DTNBP1: variants seen among roughly 807,000 people sequenced by gnomAD.
The protein encoded by DTNBP1 is dystrobrevin binding protein 1.
In DTNBP1, 35 loss-of-function variants were observed where a neutral mutation model predicts 42.8. The observed-to-expected ratio is 0.82, with a 90% CI of 0.63 to 1.09. The LOEUF (loss-of-function observed/expected upper bound fraction) is 1.09, where lower values mean the gene tolerates loss of function less well. DTNBP1 is among the 50% of genes least tolerant of loss of function. The pLI, the probability that DTNBP1 is intolerant of heterozygous loss-of-function variation, is 0.00. For missense variants in DTNBP1, 457 were observed against 424.2 expected (o/e 1.08, Z -0.68); for synonymous variants, 171 against 162.2 (o/e 1.05, Z -0.41).
At chr6:15,658,522 A>C (rs1314254821) in intron 1 of DTNBP1, among the ~76,000 whole-genome samples, 1 of 152,138 alleles carries the variant, frequency 6.6e-6, no homozygotes, top group African/African-American at 2.4e-5. Context: ...CAACAATAGC[A>C]GGTTTTTTTA....
intron 6 of DTNBP1, among the ~76,000 whole-genome samples, chr6:15,599,474 A>G (rs1401854425): frequency 6.6e-6 from 1 of 152,210 alleles, no homozygotes; most frequent in Admixed American, 6.5e-5. Flanking sequence ...TCAAGGGTCA[A>G]GTTTAGCCCT....
At chr6:15,628,104 A>G (rs1759460562) in intron 4 of DTNBP1, among the ~76,000 whole-genome samples, 1 of 152,204 alleles carries the variant, frequency 6.6e-6, no homozygotes, top group South Asian at 2.1e-4. Context: ...AGAATAGCCT[A>G]AGATAATTCT....
chr6:15,638,148 G>C (rs1031707017), intron 3 of DTNBP1, among the ~76,000 whole-genome samples: 6 of 150,438 alleles, frequency 4.0e-5, no homozygotes, highest in African/African-American at 1.5e-4. Flanking sequence ...TTTTTTTTGA[G>C]ATGGAGTTTC....
At chr6:15,583,967 A>G (rs764956610) in intron 7 of DTNBP1, among the ~76,000 whole-genome samples, 1 of 152,196 alleles carries the variant, frequency 6.6e-6, no homozygotes, top group Non-Finnish European at 1.5e-5. Flanking sequence ...ATTTCAGGTC[A>G]TGCCCAGTAT....
chr6:15,617,107 A>G lies in DTNBP1; in HGVS notation c.356-1708T>C, dbSNP rs561364430. Among the ~76,000 whole-genome samples the G allele has an allele frequency of 3.3e-5, 5 of 152,252 alleles. 1 individual carries two copies. The highest frequency in any genetic ancestry group is 9.6e-5 in the African/African-American group (4 of 41,542). ...CCAGGTGTGGTGGCTCACACCTGTA[A>G]TCTCAGCACTTCGGGAGGCTGAGGC... On this transcript the variant is annotated intron_variant, in intron 5 of 9. Transcript: ENST00000344537.
intron 9 of DTNBP1, chr6:15,523,949 G>T (rs1772141073): frequency 7.8e-7 from 1 of 1,287,276 alleles, no homozygotes; most frequent in Admixed American, 2.3e-5. Flanking sequence ...CCAGCCCAAA[G>T]AACTGGTCTG....
intron 8 of DTNBP1, among the ~76,000 whole-genome samples, chr6:15,530,865 T>C (rs775492260): frequency 1.3e-5 from 2 of 152,182 alleles, no homozygotes; most frequent in Admixed American, 6.5e-5. Context: ...CGATGTGTCA[T>C]TATGTTCAAA....
At chr6:15,577,872 T>A (rs1049282257) in intron 7 of DTNBP1, among the ~76,000 whole-genome samples, 2 of 152,186 alleles carry the variant, frequency 1.3e-5, no homozygotes, top group African/African-American at 4.8e-5. Flanking sequence ...TTGGACTGAA[T>A]CCTGAAGTGT....
rs763045427 is a variant in DTNBP1 at position 15,662,921 on chromosome 6, G to A, written c.-52C>T. 1.9e-6 allele frequency: 3 copies of A among 1,598,490 alleles called. No homozygotes were observed. The highest frequency in any genetic ancestry group is 1.1e-5 in the South Asian group (1 of 90,938). On this transcript the variant is annotated 5_prime_UTR_variant, in exon 1 of 10. Coordinates refer to ENST00000344537, the MANE Select transcript of DTNBP1 (RefSeq NM_032122.5). Reference sequence around the variant, plus strand: ...CAGGCCTCGGGCTGCTGCTGCCTCTGTCGCCCCCTGGGTCCCACGCCGCCA... The same window carrying A: ...CAGGCCTCGGGCTGCTGCTGCCTCTATCGCCCCCTGGGTCCCACGCCGCCA...
chr6:15,641,149 G>A (rs1302478194), intron 3 of DTNBP1, among the ~76,000 whole-genome samples: 5 of 152,210 alleles, frequency 3.3e-5, no homozygotes, highest in Non-Finnish European at 7.3e-5. Context: ...CTCTTGGAGA[G>A]CCAGACACTT....
intron 7 of DTNBP1, among the ~76,000 whole-genome samples, chr6:15,568,306 C>T (rs894328921): frequency 3.0e-4 from 46 of 152,204 alleles, no homozygotes; most frequent in Non-Finnish European, 1.0e-4. Context: ...CATATTTCTC[C>T]ATGCATCTCC....
chr6:15,616,039 A>C (rs1401013836), intron 5 of DTNBP1, among the ~76,000 whole-genome samples: 1 of 152,238 alleles, frequency 6.6e-6, no homozygotes, highest in African/African-American at 2.4e-5. Context: ...TGGAACATGA[A>C]GATCACCCAC....
chr6:15,542,633 G>A (rs1011468581), intron 7 of DTNBP1, among the ~76,000 whole-genome samples: 2 of 152,058 alleles, frequency 1.3e-5, no homozygotes, highest in Non-Finnish European at 2.9e-5. Context: ...GCCTCCCAAA[G>A]TGCTAGGATT....
Position 15,627,446 on chromosome 6 carries a change from A to T in DTNBP1, c.252T>A (p.Ser84=). The T allele has an allele frequency of 6.2e-7, 1 of 1,614,028 alleles. No individual in the cohort carries two copies. Among genetic ancestry groups the T allele is most frequent in the South Asian group, 1.1e-5 (1 of 91,082 alleles). ...TTGTCTTTTTCTTCTCCCAGTGCGCAGAAAGCATGACCACCTCGCTATCCA... is the reference window on the plus strand; with the variant it reads ...TTGTCTTTTTCTTCTCCCAGTGCGCTGAAAGCATGACCACCTCGCTATCCA... ...ELVDSEVVML[S]AHWEKKKTSL... The change falls in exon 5 of 10, where the codon TCT becomes TCA. Residue 84 remains serine (S), a synonymous_variant. Coordinates refer to ENST00000344537, the MANE Select transcript of DTNBP1 (RefSeq NM_032122.5).
chr6:15,547,629 C>T (rs987793368), intron 7 of DTNBP1, among the ~76,000 whole-genome samples: 10 of 152,188 alleles, frequency 6.6e-5, no homozygotes, highest in African/African-American at 2.4e-4. Flanking sequence ...TAATCACAGA[C>T]AAGAATTGCC....
At chr6:15,524,921 C>G (rs983572320) in intron 8 of DTNBP1, among the ~76,000 whole-genome samples, 3 of 152,220 alleles carry the variant, frequency 2.0e-5, no homozygotes, top group African/African-American at 7.2e-5. Context: ...ACGCTGAAGA[C>G]TAATCTCTGC....
chr6:15,657,725 A>G (rs1290927805), intron 1 of DTNBP1, among the ~76,000 whole-genome samples: 3 of 152,222 alleles, frequency 2.0e-5, no homozygotes, highest in African/African-American at 7.2e-5. Flanking sequence ...TCTCTGCTAT[A>G]TCCCCAGTAC....
At chr6:15,608,396 C>T (rs369642125) in intron 6 of DTNBP1, among the ~76,000 whole-genome samples, 13 of 152,152 alleles carry the variant, frequency 8.5e-5, no homozygotes, top group East Asian at 3.8e-4. Context: ...AATATTGCCA[C>T]GCCGATAAGA....
chr6:15,636,588 G>C (rs1295748939), intron 4 of DTNBP1, among the ~76,000 whole-genome samples: 2 of 152,178 alleles, frequency 1.3e-5, no homozygotes, highest in African/African-American at 4.8e-5. Flanking sequence ...AGCCAGACAG[G>C]TTTCCTTGTT....
Sources: gnomAD v4.1 joint callset for allele counts (sites outside exome capture counted in the v4.1 genomes callset) on GRCh38, gnomAD v4.1.1 for gene constraint, MANE v1.5 for transcripts, NCBI Gene and HGNC (gene_info 2026-07-23, HGNC 2026-07-21) for gene names.